MEI4: variants seen among roughly 807,000 people sequenced by gnomAD.
The protein encoded by MEI4 is meiosis-specific protein MEI4.
A neutral mutation model predicts 31.4 loss-of-function variants in MEI4; 27 were observed. The observed-to-expected ratio is 0.86, with a 90% confidence interval of 0.63 to 1.19. MEI4 has a LOEUF of 1.19. Ranked by LOEUF, MEI4 falls within the 50% of genes most tolerant of loss-of-function variation. MEI4 has a pLI of 0.00. For synonymous variants in MEI4, 122 were observed against 145.4 expected (o/e 0.84, Z 1.16); for missense variants, 329 against 398.9 (o/e 0.82, Z 1.49).
chr6:77,851,026 A>G (rs957808424), intron 4 of MEI4, among the ~76,000 whole-genome samples: 18 of 152,360 alleles, frequency 1.2e-4, no homozygotes, highest in African/African-American at 4.1e-4. Flanking sequence ...GCCAAAAGAC[A>G]CATGAAAAAA....
chr6:77,864,524 G>C (rs1378040981), intron 4 of MEI4, among the ~76,000 whole-genome samples: 1 of 152,198 alleles, frequency 6.6e-6, no homozygotes, highest in Non-Finnish European at 1.5e-5. Context: ...TCAACAAGAA[G>C]AGCTAACTCT....
Position 77,820,309 on chromosome 6 carries a change from C to T in MEI4, c.769-8622C>T, listed in dbSNP as rs534755522. On this transcript the variant is annotated intron_variant, in intron 3 of 4. Transcript: ENST00000684080. The surrounding 1 kb of genome is among the most constrained non-coding windows in gnomAD (Gnocchi z 4.5). Reference sequence around the variant, plus strand: ...TGTTGCCCAGGCTGGAGGGCAATAGCGCGATCTTGGCTCACTTTGGCTCAC... The same window carrying T: ...TGTTGCCCAGGCTGGAGGGCAATAGTGCGATCTTGGCTCACTTTGGCTCAC... Among the ~76,000 whole-genome samples, 6 of 152,118 alleles carry T rather than the reference C, an allele frequency of 3.9e-5. No homozygotes were observed. The highest frequency in any genetic ancestry group is 3.9e-4 in the East Asian group (2 of 5,156).
intron 4 of MEI4, among the ~76,000 whole-genome samples, chr6:77,892,128 G>A (rs1765974917): frequency 1.3e-5 from 2 of 152,160 alleles, no homozygotes; most frequent in African/African-American, 4.8e-5. Context: ...TGGGCTTGGT[G>A]GACAGGCATG....
intron 3 of MEI4, among the ~76,000 whole-genome samples, chr6:77,770,662 A>G (rs1227411301): frequency 6.6e-6 from 1 of 152,172 alleles, no homozygotes; most frequent in Non-Finnish European, 1.5e-5. Context: ...ACATAAACCA[A>G]TGGAATAGAA....
At chr6:77,701,560 A>T (rs1766222010) in intron 2 of MEI4, among the ~76,000 whole-genome samples, 1 of 152,030 alleles carries the variant, frequency 6.6e-6, no homozygotes, top group South Asian at 2.1e-4. Context: ...TAATATATTC[A>T]TAAATCATAG....
chr6:77,762,641 C>T (rs1371519744), intron 3 of MEI4, among the ~76,000 whole-genome samples: 1 of 152,108 alleles, frequency 6.6e-6, no homozygotes, highest in Non-Finnish European at 1.5e-5. Flanking sequence ...ACAGTGGAGG[C>T]TTTATCTGAG....
intron 2 of MEI4, among the ~76,000 whole-genome samples, chr6:77,712,051 T>C (rs1301321352): frequency 6.6e-6 from 1 of 152,192 alleles, no homozygotes; most frequent in Non-Finnish European, 1.5e-5. Context: ...TGACTTCTTA[T>C]ATAAGCTGGC....
chr6:77,824,580 C>T (rs1318707173), intron 3 of MEI4, among the ~76,000 whole-genome samples: 1 of 151,772 alleles, frequency 6.6e-6, no homozygotes, highest in Non-Finnish European at 1.5e-5. Flanking sequence ...ATTATATTCT[C>T]ATTTCTTGCT....
chr6:77,908,661 G>A (rs146332457), intron 4 of MEI4, among the ~76,000 whole-genome samples: 1,848 of 152,098 alleles, frequency 0.012, 44 homozygotes, highest in African/African-American at 0.042. Flanking sequence ...GAACTTTAAA[G>A]TAGCAAATGG....
chr6:77,841,678 T>G (rs1057444172), intron 4 of MEI4, among the ~76,000 whole-genome samples: 1 of 151,860 alleles, frequency 6.6e-6, no homozygotes, highest in Non-Finnish European at 1.5e-5. Context: ...AACAAAATAA[T>G]AAAGACCTTT....
chr6:77,914,788 C>G (rs954135334), intron 4 of MEI4, among the ~76,000 whole-genome samples: 2 of 152,038 alleles, frequency 1.3e-5, no homozygotes, highest in Non-Finnish European at 2.9e-5. Context: ...TAAAATTGTC[C>G]TATCTTCGTG....
rs1271513030 is a variant in MEI4, at chr6:77,733,050, T to C, written c.233-28080T>C. The stretch of plus-strand genomic sequence containing the variant: ...TTGCCAGTATTTTATTGAGGATTTT[T>C]GCATCAATGTTCATCAAGGATATTG... On this transcript the variant is annotated intron_variant, in intron 2 of 4. Coordinates refer to ENST00000684080, the MANE Select transcript of MEI4 (RefSeq NM_001322247.2). Among the ~76,000 whole-genome samples, 4 of 152,094 alleles carry C rather than the reference T, an allele frequency of 2.6e-5. 1 individual carries two copies. Among genetic ancestry groups the C allele is most frequent in the Admixed American group, 2.0e-4 (3 of 15,282 alleles).
chr6:77,870,917 T>G (rs1771174903), intron 4 of MEI4, among the ~76,000 whole-genome samples: 1 of 152,100 alleles, frequency 6.6e-6, no homozygotes, highest in Admixed American at 6.6e-5. Flanking sequence ...AATATACCAG[T>G]GTAGGTTTGG....
At chr6:77,902,641 C>G (rs1276354888) in intron 4 of MEI4, among the ~76,000 whole-genome samples, 1 of 152,070 alleles carries the variant, frequency 6.6e-6, no homozygotes, top group Non-Finnish European at 1.5e-5. Flanking sequence ...TTAGGGCCAA[C>G]CTGTCTCCCA....
chr6:77,803,880 C>G (rs1410618934), intron 3 of MEI4, among the ~76,000 whole-genome samples: 1 of 152,176 alleles, frequency 6.6e-6, no homozygotes, highest in East Asian at 1.9e-4. Context: ...CAGTCTGCCC[C>G]TACTGGGGGT....
intron 4 of MEI4, among the ~76,000 whole-genome samples, chr6:77,837,050 A>C (rs1313951272): frequency 2.0e-5 from 3 of 152,222 alleles, no homozygotes; most frequent in Non-Finnish European, 4.4e-5. Flanking sequence ...ACATTCCCCC[A>C]AAATACCCTA....
chr6:77,668,291 T>C (rs1236564300), intron 1 of MEI4, among the ~76,000 whole-genome samples: 2 of 151,928 alleles, frequency 1.3e-5, no homozygotes, highest in East Asian at 3.9e-4. Context: ...CATTATACTC[T>C]TTTGCCTTCT....
rs143866441 is a variant in MEI4 at position 77,786,994 on chromosome 6, T to A, written c.768+25329T>A. Among the ~76,000 whole-genome samples the A allele has an allele frequency of 1.4e-3, 213 of 152,300 alleles. 1 individual carries two copies. Among genetic ancestry groups the A allele is most frequent in the African/African-American group, 4.5e-3 (187 of 41,572 alleles). ...TGCCTATCTGTGTTGCCCAGCAAGCTTGACAACACTGGACGCACAGCAGAT... is the reference window on the plus strand; with the variant it reads ...TGCCTATCTGTGTTGCCCAGCAAGCATGACAACACTGGACGCACAGCAGAT... On this transcript the variant is annotated intron_variant, in intron 3 of 4. Transcript: ENST00000684080.
intron 4 of MEI4, among the ~76,000 whole-genome samples, chr6:77,920,295 T>A (rs1476587231): frequency 1.3e-5 from 2 of 152,046 alleles, no homozygotes; most frequent in Non-Finnish European, 2.9e-5. Context: ...AAAAAGCTTA[T>A]CCACCATGAT....
Sources: allele counts gnomAD v4.1 joint callset (sites outside exome capture counted in the v4.1 genomes callset), GRCh38; gene constraint gnomAD v4.1.1; non-coding constraint Gnocchi (gnomAD v3.1); transcripts MANE v1.5; gene names NCBI Gene and HGNC (gene_info 2026-07-23, HGNC 2026-07-21).